Variants in LUZP2 observed in about 807,000 individuals in gnomAD.
LUZP2 encodes the protein leucine zipper protein 2.
In LUZP2, 52 loss-of-function variants were observed where a neutral mutation model predicts 51.6. The observed-to-expected ratio is 1.01, with a 90% confidence interval of 0.81 to 1.27. The LOEUF (loss-of-function observed/expected upper bound fraction) is 1.27. Ranked by LOEUF, LUZP2 falls within the 50% of genes most tolerant of loss-of-function variation. The pLI, the probability that LUZP2 is intolerant of heterozygous loss-of-function variation, is 0.00. For missense variants in LUZP2, 436 were observed against 395.4 expected, an observed-to-expected ratio of 1.10 and a Z score of -0.87; for synonymous variants, 154 against 137.3, an observed-to-expected ratio of 1.12 and a Z score of -0.85.
At chr11:24,624,675 C>T (rs908724381) in intron 1 of LUZP2, among the ~76,000 whole-genome samples, 4 of 151,978 alleles carry the variant, frequency 2.6e-5, no homozygotes, top group Non-Finnish European at 5.9e-5. Flanking sequence ...GATGTTTGGA[C>T]TTTTGGAATA....
intron 1 of LUZP2, among the ~76,000 whole-genome samples, chr11:24,541,031 T>A (rs1590157654): frequency 6.6e-6 from 1 of 151,930 alleles, no homozygotes; most frequent in African/African-American, 2.4e-5. Context: ...GGCAGGTGGA[T>A]CACCTGAGGC....
chr11:25,002,507 A>T (rs546819446), intron 9 of LUZP2, among the ~76,000 whole-genome samples: 1 of 152,296 alleles, frequency 6.6e-6, no homozygotes, highest in African/African-American at 2.4e-5. Flanking sequence ...TGATATCCAT[A>T]AACTTCCTTT....
intron 7 of LUZP2, among the ~76,000 whole-genome samples, chr11:24,939,148 G>T (rs529381591): frequency 2.6e-4 from 40 of 151,684 alleles, no homozygotes; most frequent in African/African-American, 8.9e-4. Flanking sequence ...AAATTATCTC[G>T]GTTCTCTTTT....
At chr11:25,067,986 T>TA (rs561656903) in intron 10 of LUZP2, among the ~76,000 whole-genome samples, 25 of 152,030 alleles carry the variant, frequency 1.6e-4, no homozygotes, top group African/African-American at 5.5e-4. Flanking sequence ...TATGCAGCCA[T>TA]AAAAAAGGAT....
At chr11:24,537,011 T>A (rs771036776) in intron 1 of LUZP2, among the ~76,000 whole-genome samples, 21 of 151,970 alleles carry the variant, frequency 1.4e-4, no homozygotes, top group Middle Eastern at 3.4e-3. Flanking sequence ...AACAGCTAGT[T>A]GGTCGAGCAG....
At chr11:24,869,450 CATT>C (rs55649353) in intron 5 of LUZP2, among the ~76,000 whole-genome samples, 21,560 of 151,526 alleles carry the variant, frequency 0.14, 1,620 homozygotes, top group African/African-American at 0.17. Flanking sequence ...ACTTTTCCAT[CATT>C]ATTATTATTA....
intron 1 of LUZP2, among the ~76,000 whole-genome samples, chr11:24,723,417 A>T (rs1341237776): frequency 3.3e-5 from 5 of 152,234 alleles, no homozygotes; most frequent in East Asian, 1.9e-4. Context: ...AGCATATGAA[A>T]TATTCATTGC....
chr11:24,854,478 T>C (rs1306274532), intron 5 of LUZP2, among the ~76,000 whole-genome samples: 1 of 152,176 alleles, frequency 6.6e-6, no homozygotes, highest in Non-Finnish European at 1.5e-5. Context: ...TCCATCAAGC[T>C]TGAGCATACC....
At chr11:24,838,768 T>G (rs777715542) in intron 5 of LUZP2, among the ~76,000 whole-genome samples, 5 of 151,702 alleles carry the variant, frequency 3.3e-5, no homozygotes, top group Non-Finnish European at 7.4e-5. Flanking sequence ...ATTTTTAATA[T>G]TTTGGGACCA....
At chr11:24,723,014 A>G (rs949588442) in intron 1 of LUZP2, among the ~76,000 whole-genome samples, 11 of 152,152 alleles carry the variant, frequency 7.2e-5, no homozygotes, top group African/African-American at 2.7e-4. Flanking sequence ...TGTGGAATGT[A>G]TAAATACCTC....
chr11:24,714,640 G>C (rs951830191), intron 1 of LUZP2, among the ~76,000 whole-genome samples: 1 of 152,158 alleles, frequency 6.6e-6, no homozygotes, highest in African/African-American at 2.4e-5. Context: ...TACAACAGCA[G>C]AAGTATATGC....
intron 9 of LUZP2, among the ~76,000 whole-genome samples, chr11:25,036,375 G>T (rs745549669): frequency 2.0e-5 from 3 of 151,770 alleles, no homozygotes; most frequent in Non-Finnish European, 2.9e-5. Flanking sequence ...TTCTTTGTTA[G>T]TCTAGCTAGT....
intron 1 of LUZP2, among the ~76,000 whole-genome samples, chr11:24,577,615 GA>G (rs201887962): frequency 0.014 from 2,140 of 151,156 alleles, 39 homozygotes; most frequent in South Asian, 0.059. Flanking sequence ...GAAAAAGAAA[GA>G]AAAAAAAGAC....
chr11:24,845,846 C>G (rs1020724060), intron 5 of LUZP2, among the ~76,000 whole-genome samples: 1 of 152,090 alleles, frequency 6.6e-6, no homozygotes, highest in African/African-American at 2.4e-5. Context: ...AACCATAAGT[C>G]TACGAAGCCT....
intron 5 of LUZP2, among the ~76,000 whole-genome samples, chr11:24,872,443 G>A (rs919049078): frequency 2.0e-5 from 3 of 152,112 alleles, no homozygotes; most frequent in African/African-American, 7.2e-5. Flanking sequence ...GGCTGTAGCA[G>A]CTCAGTAGTG....
intron 7 of LUZP2, among the ~76,000 whole-genome samples, chr11:24,942,713 A>T (rs1854789256): frequency 6.6e-6 from 1 of 152,070 alleles, no homozygotes; most frequent in South Asian, 2.1e-4. Flanking sequence ...AAAGGGAAAA[A>T]AAACTTTTAT....
At chr11:24,547,491 A>T (rs1165410142) in intron 1 of LUZP2, among the ~76,000 whole-genome samples, 4 of 152,260 alleles carry the variant, frequency 2.6e-5, no homozygotes, top group Non-Finnish European at 5.9e-5. Flanking sequence ...TCAATAAATG[A>T]TGATGAGATA....
At chr11:25,067,258 C>A (rs1380706389) in intron 10 of LUZP2, among the ~76,000 whole-genome samples, 2 of 151,804 alleles carry the variant, frequency 1.3e-5, no homozygotes, top group African/African-American at 4.8e-5. Flanking sequence ...TGTTTAAGTT[C>A]TTTTTAGATT....
At chr11:24,668,165 A>G (rs1340115330) in intron 1 of LUZP2, among the ~76,000 whole-genome samples, 2 of 152,254 alleles carry the variant, frequency 1.3e-5, no homozygotes, top group Non-Finnish European at 2.9e-5. Flanking sequence ...TTGAATTATT[A>G]CAGAAAAAGT....
Sources: allele counts gnomAD v4.1 joint callset (sites outside exome capture counted in the v4.1 genomes callset), GRCh38; gene constraint gnomAD v4.1.1; transcripts MANE v1.5; gene names NCBI Gene and HGNC (gene_info 2026-07-23, HGNC 2026-07-21).